Variants in VWA5B2 observed in about 807,000 individuals in gnomAD.
VWA5B2 encodes the protein von Willebrand factor A domain-containing protein 5B2.
VWA5B2 carries 93 observed loss-of-function variants against 118.5 expected under a neutral mutation model. The observed-to-expected ratio is 0.79, with a 90% CI of 0.66 to 0.93. VWA5B2 has a LOEUF of 0.93. Among genes scored for constraint, VWA5B2 ranks in the 40% least tolerant of loss-of-function variants. VWA5B2 has a pLI of 0.00. For synonymous variants in VWA5B2, 708 were observed against 716.3 expected, an observed-to-expected ratio of 0.99 and a Z score of 0.19; for missense variants, 1,546 against 1,672.8, an observed-to-expected ratio of 0.92 and a Z score of 1.32.
Position 184,233,290 on chromosome 3 carries a change from C to G in VWA5B2, c.423C>G (p.Pro141=). Residue 141 remains proline (P), a synonymous_variant, in exon 4 of 20, where the codon CCC becomes CCG. Transcript: ENST00000691901. The surrounding 1 kb of genome is among the most constrained non-coding windows in gnomAD (Gnocchi z 5.2). ...CCCTGCACAGCAGCCGGGAGCTGCC[C>G]TCAAGGCCTGACGGGGTGCTGCATG... ...TVTLHSSREL[P]SRPDGVLHVA... The G allele has an allele frequency of 6.5e-7, 1 of 1,541,682 alleles. No homozygotes were observed. Among genetic ancestry groups the G allele is most frequent in the Non-Finnish European group, 8.8e-7 (1 of 1,142,510 alleles).
chr3:184,237,454 AG>A lies in VWA5B2; in HGVS notation c.1719+49del, dbSNP rs1718124775. The A allele has an allele frequency of 2.0e-6, 3 of 1,489,504 alleles. No individual in the cohort carries two copies. The allele number at this position is 1,489,504 out of a possible 1,614,324, so 92.3% of individuals were successfully genotyped here. On this transcript the variant is annotated intron_variant, in intron 12 of 19. Coordinates refer to ENST00000691901, the MANE Select transcript of VWA5B2 (RefSeq NM_001390846.1). The surrounding 1 kb of genome is among the most constrained non-coding windows in gnomAD (Gnocchi z 5.6). ...TGTGGTAGGGGGGCTAGGGTGAGGT[AG>A]GGGGGCCTGGGATGGCTGAAGTCCC...
chr3:184,234,165 C>T (rs548290969), intron 5 of VWA5B2, 101 bp from the exon 6 acceptor site: 2 of 1,425,494 alleles, frequency 1.4e-6, no homozygotes, highest in East Asian at 2.5e-5. Context: ...ATAGATCAGA[C>T]TCTGAGAGCT....
At position 184,230,449 on chromosome 3, in the gene VWA5B2, T is replaced by A; in HGVS notation, c.-80T>A. On this transcript the variant is annotated 5_prime_UTR_variant, in exon 2 of 20. Transcript: ENST00000691901. ...CTGGAGTGAGACTCTCGCGCTGGCC[T>A]CTGGAGCGCGGGGTGGGCGTCCCGT... 1 of 1,363,246 alleles carries A rather than the reference T, an allele frequency of 7.3e-7. No individual in the cohort carries two copies. 84.4% of individuals were successfully genotyped at this position (1,363,246 alleles called of 1,614,324 possible).
Position 184,238,213 on chromosome 3 carries a change from G to A in VWA5B2, c.1720-90G>A, listed in dbSNP as rs895511623. 4.4e-6 allele frequency: 5 copies of A among 1,134,888 alleles called. No homozygotes were observed. In the Admixed American group the frequency reaches 1.2e-4, roughly 28 times the overall value. The allele number at this position is 1,134,888 out of a possible 1,614,324, so 70.3% of individuals were successfully genotyped here. ...CTTTTGTTTCTGGTTTATTAGCTTT[G>A]TTGCCTCTTGCTGTGAGCCATCTAA... is the stretch of plus-strand genomic sequence containing the variant. On this transcript the variant is annotated intron_variant, in intron 12 of 19. Coordinates refer to ENST00000691901, the MANE Select transcript of VWA5B2 (RefSeq NM_001390846.1). The surrounding 1 kb of genome is among the most constrained non-coding windows in gnomAD (Gnocchi z 5.0).
rs1718158515 is a variant in VWA5B2 at position 184,237,785 on chromosome 3, C to T, written c.1719+374C>T. On this transcript the variant is annotated intron_variant, in intron 12 of 19. Coordinates refer to ENST00000691901, the MANE Select transcript of VWA5B2 (RefSeq NM_001390846.1). The surrounding 1 kb of genome is among the most constrained non-coding windows in gnomAD (Gnocchi z 5.6). Reference sequence around the variant, plus strand: ...CAGCCAGCGTATTTTCTGGGACACGCAGTGATGGATGAGCATAACCTAGGC... The same window carrying T: ...CAGCCAGCGTATTTTCTGGGACACGTAGTGATGGATGAGCATAACCTAGGC... Among the ~76,000 whole-genome samples, 1 of 152,206 alleles carries T rather than the reference C, an allele frequency of 6.6e-6. No homozygotes were observed. Among genetic ancestry groups the T allele is most frequent in the African/African-American group, 2.4e-5 (1 of 41,448 alleles).
At position 184,230,500 on chromosome 3, in the gene VWA5B2, C is replaced by A. The variant is rs951272158; in HGVS notation, c.-29C>A. On this transcript the variant is annotated 5_prime_UTR_variant, in exon 2 of 20. Transcript: ENST00000691901. Reference sequence around the variant, plus strand: ...CACCCTGCGCCCAGCTTCCCCGGCCCGTTCCCGCAGGGCCGGCCTCCCGGC... The same window carrying A: ...CACCCTGCGCCCAGCTTCCCCGGCCAGTTCCCGCAGGGCCGGCCTCCCGGC... 7.0e-7 allele frequency: 1 copy of A among 1,430,042 alleles called. No homozygotes were observed. The allele number at this position is 1,430,042 out of a possible 1,614,324, so 88.6% of individuals were successfully genotyped here.
chr3:184,238,734 G>A lies in VWA5B2; in HGVS notation c.2063G>A (p.Gly688Asp). 1 of 1,550,988 alleles carries A rather than the reference G, an allele frequency of 6.4e-7. No individual in the cohort carries two copies. Among genetic ancestry groups the A allele is most frequent in the Non-Finnish European group, 8.7e-7 (1 of 1,146,986 alleles). Residue 688 changes from glycine to aspartate, a missense_variant, in exon 14 of 20, where the codon GGC becomes GAC. This residue lies in a region of VWA5B2 where 763 missense variants were observed against 766.6 expected (regional missense o/e 1.00). Transcript: ENST00000691901. The surrounding 1 kb of genome is among the most constrained non-coding windows in gnomAD (Gnocchi z 5.0). ...TCCACAGGCAGCAGTGAGTCCCCAGGCTCACAGGGCCCTGGCTCCCCCGAA... is the reference window on the plus strand; with the variant it reads ...TCCACAGGCAGCAGTGAGTCCCCAGACTCACAGGGCCCTGGCTCCCCCGAA... ...PGSTGSSESPGSQGPGSPEGS... is the reference protein window; with the variant it reads ...PGSTGSSESPDSQGPGSPEGS...
intron 11 of VWA5B2, 81 bp downstream of exon 11, chr3:184,236,830 G>A: frequency 6.5e-6 from 8 of 1,236,508 alleles, no homozygotes; most frequent in African/African-American, 1.5e-5. Context: ...ACAGAACTCA[G>A]GCAGGCCATG....
At chr3:184,232,920 C>A in intron 3 of VWA5B2, 1 of 547,624 alleles carries the variant, frequency 1.8e-6, no homozygotes, top group Non-Finnish European at 3.2e-6. Context: ...GACATGGCCC[C>A]TTCTCCTCAG....
In VWA5B2 at chr3:184,241,725, A is replaced by ACCT. The variant is rs778343866; in HGVS notation, c.3416_3417insCCT (p.Gln1139delinsHisLeu). The ACCT allele has an allele frequency of 9.5e-5, 142 of 1,497,732 alleles. No homozygotes were observed. The East Asian group carries it at 3.1e-3, about 33-fold the overall frequency. The allele number at this position is 1,497,732 out of a possible 1,614,324, so 92.8% of individuals were successfully genotyped here. ...AGCTCGGGCTCTGAGGGGCCAGGCC[A>ACCT]GGTGGACAGTGGGCGGGGCTCAGAC... On this transcript the variant is annotated protein_altering_variant, in exon 20 of 20. Transcript: ENST00000691901. The surrounding 1 kb of genome is among the most constrained non-coding windows in gnomAD (Gnocchi z 5.1).
chr3:184,240,641 G>A, intron 16 of VWA5B2, 150 bp from the exon 17 acceptor site: 2 of 1,062,640 alleles, frequency 1.9e-6, no homozygotes, highest in East Asian at 5.2e-5. Context: ...CAAAGTTGGG[G>A]AGTCTGAGCT....
Position 184,242,234 on chromosome 3 carries a change from C to T in VWA5B2, c.*196C>T. The T allele has an allele frequency of 1.3e-6, 1 of 759,314 alleles. No individual in the cohort carries two copies. The highest frequency in any genetic ancestry group is 2.2e-6 in the Non-Finnish European group (1 of 464,484). 47.0% of individuals were successfully genotyped at this position (759,314 alleles called of 1,614,324 possible). A position where few individuals can be genotyped will look rare whatever the true frequency, so the allele number is the denominator to read the frequency against. ...GCTCTCTCCCTCTCCTCCCACCCCA[C>T]TCACACTCCCCTCCATCCTCTGAGC... is the stretch of plus-strand genomic sequence containing the variant. On this transcript the variant is annotated 3_prime_UTR_variant, in exon 20 of 20. Transcript: ENST00000691901.
Position 184,239,471 on chromosome 3 carries a change from A to G in VWA5B2, c.2280A>G (p.Pro760=). The change falls in exon 15 of 20, where the codon CCA becomes CCG. Residue 760 remains proline, a synonymous_variant. Coordinates refer to ENST00000691901, the MANE Select transcript of VWA5B2 (RefSeq NM_001390846.1). The surrounding 1 kb of genome is among the most constrained non-coding windows in gnomAD (Gnocchi z 5.1). ...ALAGRSLSSP[P]GRANQVPGRP... is the part of the protein sequence containing the mutation. ...CTGGCCGAAGCCTCTCATCCCCTCC[A>G]GGCCGGGCAAACCAAGTCCCCGGCC... The G allele has an allele frequency of 6.5e-7, 1 of 1,550,142 alleles. No homozygotes were observed. The highest frequency in any genetic ancestry group is 8.7e-7 in the Non-Finnish European group (1 of 1,146,582).
chr3:184,234,368 G>T lies in VWA5B2; in HGVS notation c.791G>T (p.Arg264Leu). ...VTLAEGHHCD[R>L]ALEILLHPSE... ...CTGGCAGAGGGCCACCACTGTGACC[G>T]GGCCTTGGAGATCCTGCTGCACCCC... The change falls in exon 6 of 20, where the codon CGG becomes CTG. Residue 264 changes from arginine (R) to leucine (L), a missense_variant. Physicochemically the swap from Arg to Leu is moderately radical, Grantham distance 102. Coordinates refer to ENST00000691901, the MANE Select transcript of VWA5B2 (RefSeq NM_001390846.1). 1 of 1,551,772 alleles carries T rather than the reference G, an allele frequency of 6.4e-7. No individual in the cohort carries two copies. Among genetic ancestry groups the T allele is most frequent in the African/African-American group, 1.4e-5 (1 of 73,184 alleles).
rs1717724921 is a variant in VWA5B2, at chr3:184,234,283, C to T, written c.706C>T (p.His236Tyr). 6.4e-7 allele frequency: 1 copy of T among 1,551,600 alleles called. No homozygotes were observed. The highest frequency in any genetic ancestry group is 8.7e-7 in the Non-Finnish European group (1 of 1,147,014). Reference protein sequence around the residue: ...CLLAGLESPSHALRADAPPHA... With the variant: ...CLLAGLESPSYALRADAPPHA... ...TCCCTCAGGCCTGGAGAGCCCCTCT[C>T]ATGCTCTGCGGGCAGATGCCCCCCC... Residue 236 changes from histidine (H) to tyrosine (Y), a missense_variant, in exon 6 of 20, where the codon CAT (histidine) becomes TAT (tyrosine). His to Tyr is a moderately conservative substitution (Grantham distance 83). This residue lies in a region of VWA5B2 where 775 missense variants were observed against 882.3 expected (regional missense o/e 0.88). Coordinates refer to ENST00000691901, the MANE Select transcript of VWA5B2 (RefSeq NM_001390846.1).
At position 184,235,200 on chromosome 3, in the gene VWA5B2, C is replaced by G. The variant is rs773730488; in HGVS notation, c.993C>G (p.Pro331=). The change falls in exon 8 of 20, where the codon CCC becomes CCG. Residue 331 remains proline (P), a synonymous_variant. Transcript: ENST00000691901. The part of the protein sequence containing the change: ...RRFHKDILLN[P]VLALSFCPDL... ...TCCACAAGGACATCCTGCTGAACCC[C>G]GTGCTGGCGCTGAGCTTCTGCCCAG... is the stretch of plus-strand genomic sequence containing the variant. 1 of 1,551,546 alleles carries G rather than the reference C, an allele frequency of 6.4e-7. No individual in the cohort carries two copies. Among genetic ancestry groups the G allele is most frequent in the African/African-American group, 1.4e-5 (1 of 73,022 alleles).
Position 184,230,928 on chromosome 3 carries a change from C to T in VWA5B2, c.310+11C>T, listed in dbSNP as rs545378445. 1.8e-4 allele frequency: 222 copies of T among 1,212,292 alleles called. 2 individuals are homozygous for T. In the African/African-American group the frequency reaches 3.3e-3, roughly 18 times the overall value. 75.1% of individuals were successfully genotyped at this position (1,212,292 alleles called of 1,614,324 possible). A position where few individuals can be genotyped will look rare whatever the true frequency, so the allele number is the denominator to read the frequency against. On this transcript the variant is annotated intron_variant, in intron 3 of 19. Transcript: ENST00000691901. Reference sequence around the variant, plus strand: ...GCCGCTGCGCGCAGGGTGAGTTCCGCGCGCCCGCACCCGCGCTCCTGAAAG... The same window carrying T: ...GCCGCTGCGCGCAGGGTGAGTTCCGTGCGCCCGCACCCGCGCTCCTGAAAG...
rs763434168 is a variant in VWA5B2 at position 184,233,932 on chromosome 3, G to A, written c.688+199G>A. ...ACACACACACCCCAATTTTATCAAG[G>A]TAATTTATTTATATCTCATCCCACC... On this transcript the variant is annotated intron_variant, in intron 5 of 19. Coordinates refer to ENST00000691901, the MANE Select transcript of VWA5B2 (RefSeq NM_001390846.1). This position sits in a 1 kb window ranked among gnomAD's most constrained non-coding sequence, Gnocchi z 5.2. Among the ~76,000 whole-genome samples the A allele has an allele frequency of 6.6e-6, 1 of 152,154 alleles. No individual in the cohort carries two copies. The highest frequency in any genetic ancestry group is 1.5e-5 in the Non-Finnish European group (1 of 68,024).
Position 184,230,502 on chromosome 3 carries a change from T to C in VWA5B2, c.-27T>C, listed in dbSNP as rs986682391. ...CCCTGCGCCCAGCTTCCCCGGCCCG[T>C]TCCCGCAGGGCCGGCCTCCCGGCGC... is the stretch of plus-strand genomic sequence containing the variant. On this transcript the variant is annotated 5_prime_UTR_variant, in exon 2 of 20. Coordinates refer to ENST00000691901, the MANE Select transcript of VWA5B2 (RefSeq NM_001390846.1). 7 of 1,430,298 alleles carry C rather than the reference T, an allele frequency of 4.9e-6. No individual in the cohort carries two copies. In the African/African-American group the frequency reaches 1.1e-4, roughly 22 times the overall value. 88.6% of individuals were successfully genotyped at this position (1,430,298 alleles called of 1,614,324 possible).
Sources: gnomAD v4.1 joint callset for allele counts (sites outside exome capture counted in the v4.1 genomes callset) on GRCh38, gnomAD v4.1.1 for gene constraint, gnomAD v4.1.1 regional missense constraint, Gnocchi (gnomAD v3.1) non-coding constraint, MANE v1.5 for transcripts, NCBI Gene and HGNC (gene_info 2026-07-23, HGNC 2026-07-21) for gene names.